The following ROCK1 variants were observed in gnomAD, a reference collection of about 807,000 sequenced individuals.
The protein encoded by ROCK1 is rho-associated protein kinase 1.
Under a neutral mutation model 196.8 loss-of-function variants are expected in ROCK1, and 36 were observed. The observed-to-expected ratio is 0.18, with a 90% CI of 0.14 to 0.24. The LOEUF is 0.24. Ranked by LOEUF, ROCK1 falls within the 10% of genes least tolerant of loss-of-function variation. The pLI, the probability that ROCK1 is intolerant of heterozygous loss-of-function variation, is 1.00. For missense variants in ROCK1, 920 were observed against 1,562.0 expected, an observed-to-expected ratio of 0.59 and a Z score of 6.93; for synonymous variants, 443 against 515.9, an observed-to-expected ratio of 0.86 and a Z score of 1.91.
intron 1 of ROCK1, among the ~76,000 whole-genome samples, chr18:21,083,361 T>C (rs1021069705): frequency 6.6e-6 from 1 of 152,112 alleles, no homozygotes; most frequent in East Asian, 1.9e-4. Context: ...AGATCACAAA[T>C]AGCCAAAACA....
Position 20,969,107 on chromosome 18 carries a change from C to A in ROCK1, c.2914+8G>T. 1 of 1,535,492 alleles carries A rather than the reference C, an allele frequency of 6.5e-7. No homozygotes were observed. The highest frequency in any genetic ancestry group is 2.3e-5 in the East Asian group (1 of 44,396). ...TTAACATGATGATTTTTTAAAAATT[C>A]TACATACCTTCCTCTGCCTTCTTCA... On this transcript the variant is annotated splice_region_variant and intron_variant, in intron 24 of 32. Coordinates refer to ENST00000399799, the MANE Select transcript of ROCK1 (RefSeq NM_005406.3).
chr18:20,996,378 C>CA (rs888583507), intron 16 of ROCK1, among the ~76,000 whole-genome samples: 1 of 151,136 alleles, frequency 6.6e-6, no homozygotes, highest in South Asian at 2.1e-4. Context: ...TCATAGGAGA[C>CA]AAAAAAGAAT....
chr18:20,980,760 CA>C (rs1324366760), intron 21 of ROCK1, among the ~76,000 whole-genome samples: 1 of 151,468 alleles, frequency 6.6e-6, no homozygotes, highest in Non-Finnish European at 1.5e-5. Flanking sequence ...ACTAAAAATA[CA>C]AAAAATTAGC....
At chr18:21,082,357 G>A (rs1254365252) in intron 1 of ROCK1, among the ~76,000 whole-genome samples, 2 of 152,002 alleles carry the variant, frequency 1.3e-5, no homozygotes, top group Non-Finnish European at 2.9e-5. Context: ...TGCCCTGATA[G>A]CAAAACTAAA....
chr18:21,078,389 G>C (rs2036454066), intron 1 of ROCK1, among the ~76,000 whole-genome samples: 1 of 151,304 alleles, frequency 6.6e-6, no homozygotes, highest in South Asian at 2.1e-4. Context: ...GAGAGAGAGA[G>C]AGAGAGAGAG....
intron 27 of ROCK1, among the ~76,000 whole-genome samples, chr18:20,963,388 A>G (rs2035344832): frequency 6.6e-6 from 1 of 152,134 alleles, no homozygotes; most frequent in Admixed American, 6.5e-5. Context: ...ACCATTTCAA[A>G]ACACTTTAAT....
At chr18:21,109,319 G>T (rs2036729433) in intron 1 of ROCK1, among the ~76,000 whole-genome samples, 1 of 152,094 alleles carries the variant, frequency 6.6e-6, no homozygotes, top group Non-Finnish European at 1.5e-5. Flanking sequence ...TGAAGCTATA[G>T]CAAGAGGCCA....
At chr18:21,027,856 G>A (rs1479840258) in intron 10 of ROCK1, among the ~76,000 whole-genome samples, 1 of 141,228 alleles carries the variant, frequency 7.1e-6, no homozygotes, top group Non-Finnish European at 1.5e-5. Flanking sequence ...CCGCCTCCCG[G>A]GTTCACGCCA....
intron 2 of ROCK1, among the ~76,000 whole-genome samples, chr18:21,067,714 TAAATA>T (rs2036348459): frequency 6.6e-6 from 1 of 152,186 alleles, no homozygotes; most frequent in Non-Finnish European, 1.5e-5. Flanking sequence ...CTTTGAAGCA[TAAATA>T]AAAGTTTTTT....
chr18:21,053,263 A>G (rs893908427), intron 2 of ROCK1, among the ~76,000 whole-genome samples: 12 of 150,472 alleles, frequency 8.0e-5, no homozygotes, highest in African/African-American at 2.7e-4. Context: ...ATACACTTAC[A>G]TAACATTGCA....
chr18:20,984,292 C>T, intron 20 of ROCK1, 59 bp downstream of exon 20: 1 of 1,286,124 alleles, frequency 7.8e-7, no homozygotes, highest in Non-Finnish European at 1.1e-6. Flanking sequence ...ATGTCAAACA[C>T]ACAAGTCAAT....
chr18:21,064,812 G>C (rs1039302340), intron 2 of ROCK1, among the ~76,000 whole-genome samples: 2 of 152,138 alleles, frequency 1.3e-5, no homozygotes, highest in Non-Finnish European at 2.9e-5. Flanking sequence ...TGCTTTCTAT[G>C]GCTGCAACCT....
At chr18:21,100,611 G>A (rs952517242) in intron 1 of ROCK1, among the ~76,000 whole-genome samples, 56 of 151,626 alleles carry the variant, frequency 3.7e-4, no homozygotes, top group Admixed American at 2.2e-3. Context: ...GACTGAGAGC[G>A]AAATAAATAA....
intron 12 of ROCK1, among the ~76,000 whole-genome samples, chr18:21,017,186 CTTTTTTTTTTTTTT>C (rs774542704): frequency 1.0e-4 from 10 of 99,088 alleles, no homozygotes; most frequent in South Asian, 6.7e-4. Flanking sequence ...TACCACACTT[CTTTTTTTTTTTTTT>C]TTTTTTTTTG....
At chr18:21,014,655 T>G (rs1227526292) in intron 13 of ROCK1, among the ~76,000 whole-genome samples, 1 of 152,160 alleles carries the variant, frequency 6.6e-6, no homozygotes. Context: ...CAAAGGCAAG[T>G]TAGTAAATGC....
chr18:21,070,619 G>C lies in ROCK1; in HGVS notation c.94-6C>G, dbSNP rs751279201. 6 of 1,591,308 alleles carry C rather than the reference G, an allele frequency of 3.8e-6. No homozygotes were observed. Among genetic ancestry groups the C allele is most frequent in the Non-Finnish European group, 4.3e-6 (5 of 1,167,212 alleles). ...ACCAAAGCATCCAATCCATCCTAAA[G>C]AAACAAACAAACAATGGTTAGTTTT... On this transcript the variant is annotated splice_polypyrimidine_tract_variant and splice_region_variant and intron_variant, in intron 1 of 32. Coordinates refer to ENST00000399799, the MANE Select transcript of ROCK1 (RefSeq NM_005406.3).
chr18:20,975,831 T>G (rs1171264130), intron 22 of ROCK1, among the ~76,000 whole-genome samples: 1 of 152,194 alleles, frequency 6.6e-6, no homozygotes, highest in Non-Finnish European at 1.5e-5. Flanking sequence ...CAGGATGGTC[T>G]CAATCTCCTG....
intron 1 of ROCK1, among the ~76,000 whole-genome samples, chr18:21,093,719 C>T (rs1259989473): frequency 6.6e-6 from 1 of 151,876 alleles, no homozygotes; most frequent in African/African-American, 2.4e-5. Flanking sequence ...TCTGGGAGGC[C>T]GAGGCAGGCA....
chr18:21,016,457 A>G (rs192735321), intron 12 of ROCK1, among the ~76,000 whole-genome samples: 7 of 152,344 alleles, frequency 4.6e-5, no homozygotes, highest in East Asian at 3.9e-4. Context: ...AAGGTAGTAT[A>G]TATCAAATCA....
Sources: allele counts gnomAD v4.1 joint callset (sites outside exome capture counted in the v4.1 genomes callset), GRCh38; gene constraint gnomAD v4.1.1; transcripts MANE v1.5; gene names NCBI Gene and HGNC (gene_info 2026-07-23, HGNC 2026-07-21).